Variants in SLC25A12 observed in about 807,000 individuals in gnomAD.
SLC25A12 encodes solute carrier family 25 member 12.
Under a neutral mutation model 83.3 loss-of-function variants are expected in SLC25A12, and 32 were observed. That is an observed-to-expected ratio of 0.38 (90% CI 0.29 to 0.52). SLC25A12 has a LOEUF of 0.52. Among genes scored for constraint, SLC25A12 ranks in the 20% least tolerant of loss-of-function variants. The pLI is 0.84. For synonymous variants in SLC25A12, 267 were observed against 291.1 expected (o/e 0.92, Z 0.84); for missense variants, 611 against 835.6 (o/e 0.73, Z 3.31).
intron 2 of SLC25A12, among the ~76,000 whole-genome samples, chr2:171,882,487 CAAAG>C (rs1685718517): frequency 6.6e-6 from 1 of 152,222 alleles, no homozygotes; most frequent in Admixed American, 6.5e-5. Flanking sequence ...CTCCACATGG[CAAAG>C]CCTGTTTGAG....
chr2:171,878,545 G>A lies in SLC25A12; in HGVS notation c.67-9722C>T, dbSNP rs140937892. Among the ~76,000 whole-genome samples, 217 of 152,188 alleles carry A rather than the reference G, an allele frequency of 1.4e-3. 1 individual carries two copies. The highest frequency in any genetic ancestry group is 5.1e-3 in the African/African-American group (211 of 41,500). On this transcript the variant is annotated intron_variant, in intron 2 of 17. Coordinates refer to ENST00000422440, the MANE Select transcript of SLC25A12 (RefSeq NM_003705.5). ...CAGAGTTTCCCTGGGTTGGCTTCCA[G>A]TATTCCTGGGCTTACCACGAGATCG...
intron 7 of SLC25A12, 48 bp downstream of exon 7, chr2:171,834,679 A>C (rs1382846588): frequency 6.3e-7 from 1 of 1,597,274 alleles, no homozygotes; most frequent in South Asian, 1.1e-5. Context: ...TCAGTGAAGA[A>C]AAGTGAAAAT....
chr2:171,883,190 A>G (rs373784355), intron 2 of SLC25A12, among the ~76,000 whole-genome samples: 2 of 152,226 alleles, frequency 1.3e-5, no homozygotes, highest in African/African-American at 4.8e-5. Flanking sequence ...GAAACAAACA[A>G]AACATCCTAA....
Position 171,809,684 on chromosome 2 carries a change from A to T in SLC25A12, c.1227T>A (p.Val409=). ...VAPEKAIKLT[V]NDFVRDKFTR... ...TAAATTTGTCCCGAACAAAATCATT[A>T]ACCTAATTAGAAAGACAACATCAGT... Residue 409 remains valine, a splice_region_variant and synonymous_variant, in exon 13 of 18, where the codon GTT becomes GTA. Transcript: ENST00000422440. 6.2e-7 allele frequency: 1 copy of T among 1,612,790 alleles called. No homozygotes were observed. Among genetic ancestry groups the T allele is most frequent in the Non-Finnish European group, 8.5e-7 (1 of 1,178,764 alleles).
intron 4 of SLC25A12, among the ~76,000 whole-genome samples, chr2:171,849,310 T>C (rs1684864513): frequency 6.6e-6 from 1 of 151,860 alleles, no homozygotes; most frequent in African/African-American, 2.4e-5. Flanking sequence ...TTCTTTCACC[T>C]TGAACTCTTA....
At chr2:171,810,134 C>T in intron 12 of SLC25A12, 90 bp downstream of exon 12, 1 of 1,077,398 alleles carries the variant, frequency 9.3e-7, no homozygotes, top group Non-Finnish European at 1.4e-6. Context: ...AGATTATAGG[C>T]ATGAGCTACC....
intron 3 of SLC25A12, chr2:171,856,755 T>A (rs1685054580): frequency 6.7e-6 from 1 of 150,182 alleles, no homozygotes; most frequent in Non-Finnish European, 1.5e-5. Flanking sequence ...TTAAACAAAG[T>A]AAAAAAAAAA....
chr2:171,887,810 T>G (rs1685851877), intron 2 of SLC25A12, among the ~76,000 whole-genome samples: 1 of 152,244 alleles, frequency 6.6e-6, no homozygotes, highest in Non-Finnish European at 1.5e-5. Context: ...ATTCATTTGT[T>G]GTACTCCAAT....
intron 17 of SLC25A12, 24 bp downstream of exon 17, chr2:171,787,546 TA>T: frequency 6.4e-7 from 1 of 1,551,664 alleles, no homozygotes; most frequent in Non-Finnish European, 8.9e-7. Context: ...GATTTCTTTG[TA>T]AAGGAGTTGA....
At chr2:171,810,705 A>C (rs975875036) in intron 11 of SLC25A12, among the ~76,000 whole-genome samples, 4 of 142,894 alleles carry the variant, frequency 2.8e-5, no homozygotes, top group African/African-American at 7.6e-5. Context: ...AAGCATACCC[A>C]GATTTTGCTA....
At position 171,828,316 on chromosome 2, in the gene SLC25A12, G is replaced by A. The variant is rs561178992; in HGVS notation, c.846-1434C>T. ...ATCCCTACATGTGACGAAATTGGCA[G>A]TGGCAGCTCTTCCAGAACAAACTCA... On this transcript the variant is annotated intron_variant, in intron 8 of 17. Coordinates refer to ENST00000422440, the MANE Select transcript of SLC25A12 (RefSeq NM_003705.5). 2.0e-5 allele frequency among the ~76,000 whole-genome samples: 3 copies of A among 152,332 alleles called. No individual in the cohort carries two copies. In the East Asian group the frequency reaches 5.8e-4, roughly 29 times the overall value.
intron 16 of SLC25A12, 51 bp downstream of exon 16, chr2:171,787,738 G>C (rs1277500641): frequency 6.2e-7 from 1 of 1,611,084 alleles, no homozygotes; most frequent in East Asian, 2.2e-5. Context: ...AGTCACAGGG[G>C]AGGACGCTAG....
intron 2 of SLC25A12, among the ~76,000 whole-genome samples, chr2:171,880,882 G>A (rs1174358163): frequency 6.6e-6 from 1 of 152,060 alleles, no homozygotes. Context: ...AGTAAAAAAG[G>A]CGAATTGTAT....
At position 171,787,795 on chromosome 2, in the gene SLC25A12, T is replaced by C. The variant is rs748887957; in HGVS notation, c.1738A>G (p.Thr580Ala). The change falls in exon 16 of 18, where the codon ACT becomes GCT. Residue 580 changes from threonine to alanine, a missense_variant. This residue lies in a region of SLC25A12 where 540 missense variants were observed against 777.5 expected (regional missense o/e 0.69). Coordinates refer to ENST00000422440, the MANE Select transcript of SLC25A12 (RefSeq NM_003705.5). ...GGCTCCAGCCCCTGCCTACCTGCAG[T>C]CCCTTTCCAAAATGCTGAGGGCCCT... Reference protein sequence around the residue: ...EEGPSAFWKGTAARVFRSSPQ... With the variant: ...EEGPSAFWKGAAARVFRSSPQ... The C allele has an allele frequency of 7.4e-6, 12 of 1,614,086 alleles. No individual in the cohort carries two copies. In the African/African-American group the frequency reaches 1.6e-4, roughly 22 times the overall value.
chr2:171,870,621 A>C (rs1685438836), intron 2 of SLC25A12, among the ~76,000 whole-genome samples: 1 of 150,932 alleles, frequency 6.6e-6, no homozygotes, highest in Non-Finnish European at 1.5e-5. Flanking sequence ...ACCCTGTTTC[A>C]AAAAAAAATA....
rs1286317660 is a variant in SLC25A12 at position 171,844,447 on chromosome 2, A to G, written c.387T>C (p.Asp129=). The G allele has an allele frequency of 3.1e-6, 5 of 1,612,754 alleles. No individual in the cohort carries two copies. The highest frequency in any genetic ancestry group is 2.2e-5 in the East Asian group (1 of 44,840). The change falls in exon 5 of 18, where the codon GAT becomes GAC. Residue 129 remains aspartate, a synonymous_variant. Transcript: ENST00000422440. The stretch of plus-strand genomic sequence containing the variant: ...CAAAATGCAGTCGGATAAATTCACA[A>G]TCCCAGTTAAAAGGGATATGATGAT... The part of the protein sequence containing the change: ...IIHHHIPFNW[D]CEFIRLHFGH...
intron 4 of SLC25A12, among the ~76,000 whole-genome samples, chr2:171,849,653 C>T (rs967590761): frequency 6.6e-6 from 1 of 151,504 alleles, no homozygotes; most frequent in Non-Finnish European, 1.5e-5. Context: ...CCTCAGCCTC[C>T]CGGGTTCACG....
At chr2:171,820,695 T>G (rs963221080) in intron 9 of SLC25A12, among the ~76,000 whole-genome samples, 1 of 134,898 alleles carries the variant, frequency 7.4e-6, no homozygotes, top group Non-Finnish European at 1.6e-5. Context: ...GCCACTGCAC[T>G]CCAGCCTGGG....
chr2:171,889,368 T>A (rs1685885546), intron 2 of SLC25A12, among the ~76,000 whole-genome samples: 1 of 152,202 alleles, frequency 6.6e-6, no homozygotes, highest in Non-Finnish European at 1.5e-5. Flanking sequence ...TTCGATAGAT[T>A]CTTCCCTTAC....
Sources: gnomAD v4.1 joint callset for allele counts (sites outside exome capture counted in the v4.1 genomes callset) on GRCh38, gnomAD v4.1.1 for gene constraint, gnomAD v4.1.1 regional missense constraint, MANE v1.5 for transcripts, NCBI Gene and HGNC (gene_info 2026-07-23, HGNC 2026-07-21) for gene names.